The following SGCZ variants were observed in gnomAD, a reference collection of about 807,000 sequenced individuals.
The protein encoded by SGCZ is zeta-sarcoglycan.
SGCZ carries 40 observed loss-of-function variants against 41.3 expected under a neutral mutation model. That is an observed-to-expected ratio of 0.97 (90% CI 0.75 to 1.26). The LOEUF is 1.26. SGCZ is among the 50% of genes most tolerant of loss of function. SGCZ has a pLI of 0.00. For missense variants in SGCZ, 552 were observed against 369.8 expected (o/e 1.49, Z -4.04); for synonymous variants, 206 against 137.5 (o/e 1.50, Z -3.49).
rs920894980 is a variant in SGCZ, at chr8:14,662,110, A to T, written c.40-107184T>A. On this transcript the variant is annotated intron_variant, in intron 1 of 7. Transcript: ENST00000382080. ...CTTAAGTAGCCTCAAAGTTGTACTG[A>T]AGAAATTCAAAATCCAGTCACTGTA... Among the ~76,000 whole-genome samples, 81 of 151,490 alleles carry T rather than the reference A, an allele frequency of 5.3e-4. 1 individual carries two copies. The highest frequency in any genetic ancestry group is 1.9e-3 in the African/African-American group (79 of 40,940).
chr8:14,858,161 T>A (rs1364418300), intron 1 of SGCZ, among the ~76,000 whole-genome samples: 1 of 151,998 alleles, frequency 6.6e-6, no homozygotes, highest in Non-Finnish European at 1.5e-5. Context: ...GTTCTTAAAA[T>A]TAGTGAAGAC....
intron 1 of SGCZ, among the ~76,000 whole-genome samples, chr8:14,695,286 T>G (rs4831639): frequency 0.83 from 126,219 of 152,114 alleles, 52,757 homozygotes; most frequent in African/African-American, 0.94. Context: ...GAAAAACCTA[T>G]AACCATAAAG....
chr8:14,093,995 G>A (rs577723263), intron 7 of SGCZ, among the ~76,000 whole-genome samples: 4 of 152,100 alleles, frequency 2.6e-5, no homozygotes, highest in South Asian at 4.1e-4. Context: ...ATTGTGAAGT[G>A]CATGAATTAC....
At chr8:14,432,121 G>A (rs1017249054) in intron 2 of SGCZ, among the ~76,000 whole-genome samples, 41 of 152,158 alleles carry the variant, frequency 2.7e-4, no homozygotes, top group African/African-American at 9.7e-4. Flanking sequence ...AAACACTGTG[G>A]AGATTCTTTG....
intron 1 of SGCZ, among the ~76,000 whole-genome samples, chr8:15,179,505 A>G (rs1306535417): frequency 1.3e-5 from 2 of 152,202 alleles, no homozygotes. Context: ...GATAATTACA[A>G]ACCAGGAAAC....
intron 1 of SGCZ, among the ~76,000 whole-genome samples, chr8:15,097,886 GTGTATATATA>G (rs1806436990): frequency 1.1e-4 from 2 of 19,016 alleles, no homozygotes; most frequent in African/African-American, 2.8e-4. Flanking sequence ...ATATATACGT[GTGTATATATA>G]TATATATATA....
At chr8:14,842,311 C>G (rs1397149778) in intron 1 of SGCZ, among the ~76,000 whole-genome samples, 1 of 145,678 alleles carries the variant, frequency 6.9e-6, no homozygotes, top group African/African-American at 2.6e-5. Context: ...ATTCAAAGGG[C>G]AAAACAAGCA....
chr8:14,582,350 G>C (rs1373789378), intron 1 of SGCZ, among the ~76,000 whole-genome samples: 1 of 151,978 alleles, frequency 6.6e-6, no homozygotes, highest in Non-Finnish European at 1.5e-5. Context: ...CCCTGTTGTT[G>C]AAGGGTCTAC....
Position 14,117,482 on chromosome 8 carries a change from G to A in SGCZ, c.548-9247C>T, listed in dbSNP as rs887286917. 3.5e-5 allele frequency among the ~76,000 whole-genome samples: 5 copies of A among 144,832 alleles called. No individual in the cohort carries two copies. The East Asian group carries it at 6.0e-4, about 17-fold the overall frequency. ...CATCTCACTGGGGAGTACTTGACCCGTGTGTGTGTGTGTGTATGTGTACTG... is the reference window on the plus strand; with the variant it reads ...CATCTCACTGGGGAGTACTTGACCCATGTGTGTGTGTGTGTATGTGTACTG... On this transcript the variant is annotated intron_variant, in intron 5 of 7. Transcript: ENST00000382080.
chr8:15,137,799 G>T (rs1190318289), intron 1 of SGCZ, among the ~76,000 whole-genome samples: 1 of 152,234 alleles, frequency 6.6e-6, no homozygotes, highest in African/African-American at 2.4e-5. Flanking sequence ...GATCCCTCAT[G>T]GAGAACCTCT....
intron 2 of SGCZ, among the ~76,000 whole-genome samples, chr8:14,543,333 G>T: frequency 6.6e-6 from 1 of 152,078 alleles, no homozygotes; most frequent in Admixed American, 6.6e-5. Context: ...TTTCAAAATT[G>T]TGATGTATAT....
chr8:14,344,159 A>C (rs1053236663), intron 2 of SGCZ, among the ~76,000 whole-genome samples: 16 of 152,258 alleles, frequency 1.1e-4, no homozygotes, highest in African/African-American at 3.8e-4. Flanking sequence ...TTCATTCACA[A>C]ATGCGTGGAT....
rs58761860 is a variant in SGCZ at position 14,223,548 on chromosome 8, A to ATT, written c.424+14042_424+14043dup. ...CACATCTAGACCAATATATATATATATTTTAACAGAATTAGTGAGCTGTTG... is the reference window on the plus strand; with the variant it reads ...CACATCTAGACCAATATATATATATATTTTTTAACAGAATTAGTGAGCTGTTG... On this transcript the variant is annotated intron_variant, in intron 4 of 7. Coordinates refer to ENST00000382080, the MANE Select transcript of SGCZ (RefSeq NM_139167.4). Among the ~76,000 whole-genome samples, 34 of 152,166 alleles carry ATT rather than the reference A, an allele frequency of 2.2e-4. No homozygotes were observed. The East Asian group carries it at 2.3e-3, about 10-fold the overall frequency.
At chr8:15,022,083 G>C (rs534224213) in intron 1 of SGCZ, among the ~76,000 whole-genome samples, 1 of 152,210 alleles carries the variant, frequency 6.6e-6, no homozygotes, top group East Asian at 1.9e-4. Flanking sequence ...AATGAGACAG[G>C]CACAAAACCG....
intron 1 of SGCZ, among the ~76,000 whole-genome samples, chr8:14,708,738 T>C (rs1693941194): frequency 6.6e-6 from 1 of 152,054 alleles, no homozygotes; most frequent in African/African-American, 2.4e-5. Context: ...GAAGAATATA[T>C]GCGTTTTTTA....
chr8:15,061,179 T>G (rs1177381950), intron 1 of SGCZ, among the ~76,000 whole-genome samples: 1 of 138,510 alleles, frequency 7.2e-6, no homozygotes, highest in Middle Eastern at 3.3e-3. Context: ...GTGATAGTAT[T>G]AAGAGGGGGG....
chr8:14,326,193 A>G (rs1802107646), intron 2 of SGCZ, among the ~76,000 whole-genome samples: 1 of 150,994 alleles, frequency 6.6e-6, no homozygotes, highest in Non-Finnish European at 1.5e-5. Flanking sequence ...CAACGTAGAC[A>G]GATGTTTATA....
intron 4 of SGCZ, among the ~76,000 whole-genome samples, chr8:14,197,489 G>T (rs1331784599): frequency 6.6e-6 from 1 of 151,832 alleles, no homozygotes; most frequent in Admixed American, 6.6e-5. Context: ...ATGCAAGGCT[G>T]GTATGTTCAG....
chr8:14,124,205 C>G (rs982420673), intron 5 of SGCZ, among the ~76,000 whole-genome samples: 2 of 152,136 alleles, frequency 1.3e-5, no homozygotes, highest in African/African-American at 4.8e-5. Context: ...GAAATTAATA[C>G]AACCATTTAA....
Sources: allele counts gnomAD v4.1 joint callset (sites outside exome capture counted in the v4.1 genomes callset), GRCh38; gene constraint gnomAD v4.1.1; transcripts MANE v1.5; gene names NCBI Gene and HGNC (gene_info 2026-07-23, HGNC 2026-07-21).